Variants in PPP2R2C observed in about 807,000 individuals in gnomAD.
PPP2R2C encodes the protein protein phosphatase 2 regulatory subunit Bgamma, also known as protein phosphatase 2, regulatory subunit B, gamma.
PPP2R2C carries 10 observed loss-of-function variants against 45.3 expected under a neutral mutation model. The ratio of observed to expected loss-of-function variants is 0.22; its 90% confidence interval spans 0.14 to 0.37. The LOEUF (loss-of-function observed/expected upper bound fraction) is 0.37, where lower values mean the gene tolerates loss of function less well. Ranked by LOEUF, PPP2R2C falls within the 10% of genes least tolerant of loss-of-function variation. PPP2R2C has a pLI of 1.00. For synonymous variants in PPP2R2C, 257 were observed against 245.4 expected, an observed-to-expected ratio of 1.05 and a Z score of -0.44; for missense variants, 308 against 619.7, an observed-to-expected ratio of 0.50 and a Z score of 5.34.
At chr4:6,362,600 G>A (rs1713881143) in intron 5 of PPP2R2C, among the ~76,000 whole-genome samples, 1 of 152,214 alleles carries the variant, frequency 6.6e-6, no homozygotes, top group African/African-American at 2.4e-5. Flanking sequence ...GCCATCAGAA[G>A]GACACTTGGC....
intron 5 of PPP2R2C, among the ~76,000 whole-genome samples, chr4:6,355,145 G>C (rs1209707663): frequency 6.6e-6 from 1 of 152,228 alleles, no homozygotes; most frequent in Non-Finnish European, 1.5e-5. Flanking sequence ...CTGCCTGTCA[G>C]GATTGCTGCT....
intron 6 of PPP2R2C, among the ~76,000 whole-genome samples, chr4:6,337,977 T>C (rs148982794): frequency 1.6e-4 from 24 of 152,210 alleles, no homozygotes; most frequent in African/African-American, 5.8e-4. Flanking sequence ...TTCCAAAAGA[T>C]AGTGGAATCT....
In PPP2R2C at chr4:6,330,580, G is replaced by A. The variant is rs543043929; in HGVS notation, c.961-1227C>T. 6.6e-6 allele frequency among the ~76,000 whole-genome samples: 1 copy of A among 152,226 alleles called. No individual in the cohort carries two copies. The highest frequency in any genetic ancestry group is 1.9e-4 in the East Asian group (1 of 5,178). ...GGGATTCCGCTAACAGATGCGTGTG[G>A]GCTCGCATAGTCACTCTCCCCTGGG... On this transcript the variant is annotated intron_variant, in intron 7 of 8. Transcript: ENST00000382599. This position sits in a 1 kb window ranked among gnomAD's most constrained non-coding sequence, Gnocchi z 7.0.
At chr4:6,493,291 A>T (rs1422564130) in intron 2 of PPP2R2C, among the ~76,000 whole-genome samples, 1 of 151,750 alleles carries the variant, frequency 6.6e-6, no homozygotes, top group African/African-American at 2.4e-5. Flanking sequence ...TTTGCTTTAA[A>T]ATTCGTTGTT....
rs111203648 is a variant in PPP2R2C, at chr4:6,534,238, C to T, written c.49+1033G>A. ...ACACATATCAACAAACACACACCAACACACATACACACACAGTAAGCACAC... is the reference window on the plus strand; with the variant it reads ...ACACATATCAACAAACACACACCAATACACATACACACACAGTAAGCACAC... On this transcript the variant is annotated intron_variant, in intron 2 of 9. Transcript: ENST00000506140. Among the ~76,000 whole-genome samples, 455 of 149,248 alleles carry T rather than the reference C, an allele frequency of 3.0e-3. 5 individuals carry two copies. The highest frequency in any genetic ancestry group is 0.011 in the African/African-American group (435 of 40,382).
intron 2 of PPP2R2C, among the ~76,000 whole-genome samples, chr4:6,486,138 A>G (rs139267488): frequency 6.6e-6 from 1 of 151,992 alleles, no homozygotes; most frequent in South Asian, 2.1e-4. Context: ...TCTTGGACAC[A>G]TGGGTTATAT....
intron 4 of PPP2R2C, among the ~76,000 whole-genome samples, chr4:6,375,334 G>T (rs1290808830): frequency 6.6e-6 from 1 of 152,176 alleles, no homozygotes; most frequent in Non-Finnish European, 1.5e-5. Flanking sequence ...CTGTTTCAGG[G>T]TATGTCTGTT....
At chr4:6,475,174 T>C (rs1057504367), upstream of PPP2R2C, among the ~76,000 whole-genome samples, 3 of 151,558 alleles carry the variant, frequency 2.0e-5, no homozygotes, top group Non-Finnish European at 4.4e-5. Flanking sequence ...AAGGCGGGAA[T>C]GGAGATGGAG....
At chr4:6,404,526 C>G (rs1335944426) in intron 1 of PPP2R2C, among the ~76,000 whole-genome samples, 1 of 152,192 alleles carries the variant, frequency 6.6e-6, no homozygotes, top group Non-Finnish European at 1.5e-5. Flanking sequence ...ATGAAGCACC[C>G]AGGTAGCACG....
chr4:6,535,990 C>A (rs912633000), intron 1 of PPP2R2C, among the ~76,000 whole-genome samples: 1 of 152,198 alleles, frequency 6.6e-6, no homozygotes, highest in East Asian at 1.9e-4. Flanking sequence ...GGTTGCTTGG[C>A]TGCCTTTATC....
chr4:6,384,269 G>C (rs1435607497), intron 1 of PPP2R2C: 23 of 985,248 alleles, frequency 2.3e-5, no homozygotes, highest in Non-Finnish European at 2.2e-5. Context: ...GTGAAGGAAC[G>C]GGATATAAAA....
Position 6,323,467 on chromosome 4 carries a change from C to T in PPP2R2C, c.1179G>A (p.Val393=). 6.2e-7 allele frequency: 1 copy of T among 1,612,996 alleles called. No individual in the cohort carries two copies. Among genetic ancestry groups the T allele is most frequent in the Non-Finnish European group, 8.5e-7 (1 of 1,179,082 alleles). ...CACGCCGGCGCTTGCCCCCCACGCA[C>T]ACGCGCCGTGGCTTGAGCACAGCCC... ...KPRAVLKPRR[V]CVGGKRRRDD... is the part of the protein sequence containing the mutation. Residue 393 remains valine (V), a synonymous_variant, in exon 9 of 9, where the codon GTG becomes GTA. Transcript: ENST00000382599.
At position 6,332,369 on chromosome 4, in the gene PPP2R2C, C is replaced by G. The variant is rs183807891; in HGVS notation, c.960+1193G>C. 5.8e-3 allele frequency among the ~76,000 whole-genome samples: 877 copies of G among 152,216 alleles called. 11 individuals carry two copies. Among genetic ancestry groups the G allele is most frequent in the African/African-American group, 0.02 (811 of 41,528 alleles). ...GGGGTGTGCAGTGTGAGGAGGGGGC[C>G]TGAGGGAGGAGCTGGGGCAGTCGCA... On this transcript the variant is annotated intron_variant, in intron 7 of 8. Coordinates refer to ENST00000382599, the MANE Select transcript of PPP2R2C (RefSeq NM_020416.4). This position sits in a 1 kb window ranked among gnomAD's most constrained non-coding sequence, Gnocchi z 4.9.
chr4:6,457,177 C>T (rs1312811058), intron 1 of PPP2R2C, among the ~76,000 whole-genome samples: 3 of 129,696 alleles, frequency 2.3e-5, no homozygotes, highest in Non-Finnish European at 3.2e-5. Flanking sequence ...CACTGTACCC[C>T]GACCTGGGCG....
chr4:6,406,064 T>C (rs907106629), intron 1 of PPP2R2C, among the ~76,000 whole-genome samples: 3 of 152,182 alleles, frequency 2.0e-5, no homozygotes, highest in Non-Finnish European at 4.4e-5. Flanking sequence ...AACTGAGCAT[T>C]TATTAAGTGC....
upstream of PPP2R2C, among the ~76,000 whole-genome samples, chr4:6,474,324 G>C (rs1279798858): frequency 6.6e-6 from 1 of 152,030 alleles, no homozygotes; most frequent in Non-Finnish European, 1.5e-5. Flanking sequence ...ACCACAAGGG[G>C]GCCCAGGCAC....
intron 1 of PPP2R2C, among the ~76,000 whole-genome samples, chr4:6,423,253 G>C (rs1033554900): frequency 4.6e-5 from 7 of 152,196 alleles, no homozygotes; most frequent in African/African-American, 1.7e-4. Context: ...ACCCAGGCTG[G>C]AGTGCAGTGG....
intron 1 of PPP2R2C, among the ~76,000 whole-genome samples, chr4:6,394,139 G>A (rs1367342572): frequency 2.0e-5 from 3 of 152,202 alleles, no homozygotes; most frequent in Admixed American, 6.5e-5. Flanking sequence ...AGAATTGCTG[G>A]GGCCTAGAAT....
upstream of PPP2R2C, among the ~76,000 whole-genome samples, chr4:6,473,318 G>A (rs1343402288): frequency 6.6e-6 from 1 of 152,094 alleles, no homozygotes; most frequent in Admixed American, 6.6e-5. Context: ...CAAACCCAGG[G>A]CTCTGCCAAA....
Sources: gnomAD v4.1 joint callset for allele counts (sites outside exome capture counted in the v4.1 genomes callset) on GRCh38, gnomAD v4.1.1 for gene constraint, Gnocchi (gnomAD v3.1) non-coding constraint, MANE v1.5 for transcripts, NCBI Gene and HGNC (gene_info 2026-07-23, HGNC 2026-07-21) for gene names.